MSH3: variants seen among roughly 807,000 people sequenced by gnomAD.
The protein encoded by MSH3 is DNA mismatch repair protein Msh3.
Under a neutral mutation model 123.3 loss-of-function variants are expected in MSH3, and 106 were observed. The observed-to-expected ratio is 0.86, with a 90% confidence interval of 0.73 to 1.01. The LOEUF (loss-of-function observed/expected upper bound fraction) is 1.01. Among genes scored for constraint, MSH3 ranks in the 50% least tolerant of loss-of-function variants. MSH3 has a pLI of 0.00. For synonymous variants in MSH3, 515 were observed against 481.4 expected (o/e 1.07, Z -0.91); for missense variants, 1,459 against 1,347.6 (o/e 1.08, Z -1.29).
chr5:80,799,341 C>T (rs566063950), intron 19 of MSH3, among the ~76,000 whole-genome samples: 1 of 152,050 alleles, frequency 6.6e-6, no homozygotes, highest in Non-Finnish European at 1.5e-5. Flanking sequence ...ACTCAAGAGT[C>T]TCTTACCATA....
At chr5:80,682,632 T>C in intron 8 of MSH3, among the ~76,000 whole-genome samples, 1 of 152,182 alleles carries the variant, frequency 6.6e-6, no homozygotes, top group East Asian at 1.9e-4. Context: ...ATGGGTTACA[T>C]GAGATACTTT....
At chr5:80,826,363 AT>A (rs1745299449) in intron 20 of MSH3, among the ~76,000 whole-genome samples, 1 of 152,288 alleles carries the variant, frequency 6.6e-6, no homozygotes, top group Non-Finnish European at 1.5e-5. Flanking sequence ...AGAATGAGAT[AT>A]TTGCATAAGA....
chr5:80,692,117 TTTAGA>T (rs1393949634), intron 8 of MSH3, among the ~76,000 whole-genome samples: 1 of 146,934 alleles, frequency 6.8e-6, no homozygotes, highest in Admixed American at 6.8e-5. Context: ...CATGTATATG[TTTAGA>T]TAGATAGATA....
At chr5:80,874,665 A>T (rs1279381808) in intron 23 of MSH3, among the ~76,000 whole-genome samples, 2 of 152,206 alleles carry the variant, frequency 1.3e-5, no homozygotes, top group Admixed American at 1.3e-4. Flanking sequence ...TAGTAATAAA[A>T]TATGTCAATT....
At chr5:80,786,427 T>G (rs1480134616) in intron 17 of MSH3, among the ~76,000 whole-genome samples, 2 of 152,222 alleles carry the variant, frequency 1.3e-5, no homozygotes. Context: ...CTTTGATTAG[T>G]AAATGTTTGT....
At chr5:80,758,898 C>T (rs989630673) in intron 12 of MSH3, among the ~76,000 whole-genome samples, 5 of 152,302 alleles carry the variant, frequency 3.3e-5, no homozygotes, top group East Asian at 1.9e-4. Flanking sequence ...AGTCCTCAAA[C>T]CATCTGTAGC....
rs535503526 is a variant in MSH3 at position 80,857,252 on chromosome 5, T to C, written c.3000+2936T>C. Among the ~76,000 whole-genome samples the C allele has an allele frequency of 4.6e-5, 7 of 152,294 alleles. 1 individual carries two copies. The South Asian group carries it at 1.5e-3, about 32-fold the overall frequency. On this transcript the variant is annotated intron_variant, in intron 21 of 23. Transcript: ENST00000265081. ...TTACACACTTGGGATGAGTCCTACT[T>C]GGTTATGGTCTGTTTTTCTTTTTAT...
At chr5:80,839,207 A>T (rs1236379268) in intron 20 of MSH3, among the ~76,000 whole-genome samples, 1 of 152,082 alleles carries the variant, frequency 6.6e-6, no homozygotes, top group Admixed American at 6.6e-5. Flanking sequence ...TCTCTACTAA[A>T]AATACAAAAT....
Position 80,778,818 on chromosome 5 carries a change from A to T in MSH3, c.2417A>T (p.Glu806Val). ...REQLVLDCSA[E>V]WLDFLEKFSE... is the part of the protein sequence containing the mutation. Reference sequence around the variant, plus strand: ...CAGCTAGTCCTTGACTGCAGTGCTGAATGGCTTGATTTTCTAGAGTGAGTT... The same window carrying T: ...CAGCTAGTCCTTGACTGCAGTGCTGTATGGCTTGATTTTCTAGAGTGAGTT... The change falls in exon 17 of 24, where the codon GAA becomes GTA. Residue 806 changes from glutamate (E) to valine (V), a missense_variant. Physicochemically the swap from Glu to Val is moderately radical, Grantham distance 121 (BLOSUM62 -2). Transcript: ENST00000265081. 6.3e-7 allele frequency: 1 copy of T among 1,583,710 alleles called. No homozygotes were observed. Among genetic ancestry groups the T allele is most frequent in the Non-Finnish European group, 8.7e-7 (1 of 1,152,216 alleles).
At chr5:80,848,126 G>C (rs915908990) in intron 20 of MSH3, among the ~76,000 whole-genome samples, 2 of 152,202 alleles carry the variant, frequency 1.3e-5, no homozygotes, top group Non-Finnish European at 2.9e-5. Flanking sequence ...CTTCCCAGCA[G>C]GCTGAGGTGG....
At chr5:80,801,633 C>T (rs1744792788) in intron 19 of MSH3, among the ~76,000 whole-genome samples, 1 of 152,190 alleles carries the variant, frequency 6.6e-6, no homozygotes, top group South Asian at 2.1e-4. Context: ...TCACCATGCA[C>T]CACTTTTCCC....
intron 17 of MSH3, among the ~76,000 whole-genome samples, chr5:80,780,328 C>G (rs1270311506): frequency 1.3e-5 from 2 of 152,228 alleles, no homozygotes; most frequent in African/African-American, 4.8e-5. Context: ...TAGACCACCA[C>G]TGGTCTGAGT....
At chr5:80,721,669 T>C (rs1012578911) in intron 8 of MSH3, among the ~76,000 whole-genome samples, 2 of 152,248 alleles carry the variant, frequency 1.3e-5, no homozygotes, top group Non-Finnish European at 2.9e-5. Context: ...GTACATGTTA[T>C]CTGTGGGTTT....
intron 12 of MSH3, among the ~76,000 whole-genome samples, chr5:80,757,341 A>G (rs1193487239): frequency 2.0e-5 from 3 of 152,168 alleles, no homozygotes; most frequent in Non-Finnish European, 4.4e-5. Flanking sequence ...ATCTAACTAT[A>G]CAAAATTATC....
intron 8 of MSH3, among the ~76,000 whole-genome samples, chr5:80,691,772 CAT>C (rs10567476): frequency 0.16 from 17,698 of 110,440 alleles, 2,005 homozygotes; most frequent in Admixed American, 0.23. Context: ...TATATATGTA[CAT>C]ATATATGTTT....
chr5:80,752,835 T>A lies in MSH3; in HGVS notation c.1763+8220T>A, dbSNP rs116446754. ...GCAGTTAAAATGAATGACTTAAGTCTATGTGTATCAACATGGATAAATCTC... is the reference window on the plus strand; with the variant it reads ...GCAGTTAAAATGAATGACTTAAGTCAATGTGTATCAACATGGATAAATCTC... On this transcript the variant is annotated intron_variant, in intron 12 of 23. Transcript: ENST00000265081. Among the ~76,000 whole-genome samples the A allele has an allele frequency of 3.0e-3, 450 of 152,202 alleles. 5 individuals are homozygous for A. The highest frequency in any genetic ancestry group is 0.01 in the African/African-American group (429 of 41,554).
At chr5:80,702,611 G>C (rs1750635703) in intron 8 of MSH3, among the ~76,000 whole-genome samples, 2 of 152,164 alleles carry the variant, frequency 1.3e-5, no homozygotes, top group Non-Finnish European at 2.9e-5. Flanking sequence ...CTGTATGCAA[G>C]AGATGGGCCT....
chr5:80,724,808 C>T (rs1033881751), intron 8 of MSH3, among the ~76,000 whole-genome samples: 1 of 152,148 alleles, frequency 6.6e-6, no homozygotes, highest in African/African-American at 2.4e-5. Context: ...TTCAGTTTTT[C>T]TCTCTTCATA....
chr5:80,783,505 A>G (rs1299473282), intron 17 of MSH3, among the ~76,000 whole-genome samples: 1 of 152,220 alleles, frequency 6.6e-6, no homozygotes, highest in Non-Finnish European at 1.5e-5. Context: ...TATACCATTG[A>G]CATCAGAAAG....
Sources: allele counts gnomAD v4.1 joint callset (sites outside exome capture counted in the v4.1 genomes callset), GRCh38; gene constraint gnomAD v4.1.1; transcripts MANE v1.5; gene names NCBI Gene and HGNC (gene_info 2026-07-23, HGNC 2026-07-21).